Variants in TMEM132C observed in about 807,000 individuals in gnomAD.
TMEM132C encodes the protein transmembrane protein 132C, also known as protein phosphatase 1, regulatory subunit 152.
In TMEM132C, 29 loss-of-function variants were observed where a neutral mutation model predicts 61.4. The ratio of observed to expected loss-of-function variants is 0.47; its 90% confidence interval spans 0.35 to 0.64. The LOEUF (loss-of-function observed/expected upper bound fraction) is 0.64. Among genes scored for constraint, TMEM132C ranks in the 30% least tolerant of loss-of-function variants. The pLI is 0.00. For synonymous variants in TMEM132C, 656 were observed against 633.1 expected, an observed-to-expected ratio of 1.04 and a Z score of -0.54; for missense variants, 1,408 against 1,476.9, an observed-to-expected ratio of 0.95 and a Z score of 0.76.
intron 3 of TMEM132C, among the ~76,000 whole-genome samples, chr12:128,546,220 G>T (rs896133122): frequency 5.9e-5 from 9 of 152,176 alleles, no homozygotes; most frequent in Non-Finnish European, 8.8e-5. Flanking sequence ...AACATGGCCA[G>T]AAAGAAATGT....
intron 1 of TMEM132C, among the ~76,000 whole-genome samples, chr12:128,309,122 C>T (rs1871885598): frequency 6.6e-6 from 1 of 152,158 alleles, no homozygotes; most frequent in South Asian, 2.1e-4. Context: ...CGTGACGGGA[C>T]TGCTGACCTC....
chr12:128,651,267 A>G (rs1954267102), intron 4 of TMEM132C, among the ~76,000 whole-genome samples: 1 of 152,160 alleles, frequency 6.6e-6, no homozygotes, highest in South Asian at 2.1e-4. Flanking sequence ...CCTGGATTGC[A>G]GAGTCTCTTC....
chr12:128,613,979 G>A (rs1876717123), intron 3 of TMEM132C, among the ~76,000 whole-genome samples: 1 of 152,166 alleles, frequency 6.6e-6, no homozygotes, highest in Non-Finnish European at 1.5e-5. Flanking sequence ...TCCAGGAGAT[G>A]GCAGCCTGAG....
chr12:128,616,447 T>C, intron 4 of TMEM132C, 112 bp downstream of exon 4: 1 of 1,123,348 alleles, frequency 8.9e-7, no homozygotes, highest in Non-Finnish European at 1.2e-6. Flanking sequence ...AGTGTTTACT[T>C]TCAAAGTTTC....
chr12:128,333,168 T>G (rs1292132605), intron 1 of TMEM132C, among the ~76,000 whole-genome samples: 1 of 151,444 alleles, frequency 6.6e-6, no homozygotes, highest in Non-Finnish European at 1.5e-5. Flanking sequence ...GTTGTGTGTG[T>G]GTTGTGTGTG....
intron 2 of TMEM132C, among the ~76,000 whole-genome samples, chr12:128,541,783 T>C (rs971962824): frequency 6.6e-6 from 1 of 152,098 alleles, no homozygotes; most frequent in Non-Finnish European, 1.5e-5. Context: ...GGAGAGGCCA[T>C]AGTGTCAATG....
intron 2 of TMEM132C, among the ~76,000 whole-genome samples, chr12:128,444,170 T>C (rs1475905266): frequency 6.6e-6 from 1 of 152,204 alleles, no homozygotes; most frequent in Non-Finnish European, 1.5e-5. Context: ...TCCTCCCGCC[T>C]CAGCCTCCCA....
At chr12:128,561,164 T>C (rs1458675306) in intron 3 of TMEM132C, among the ~76,000 whole-genome samples, 1 of 152,254 alleles carries the variant, frequency 6.6e-6, no homozygotes, top group Non-Finnish European at 1.5e-5. Context: ...CAGTGAGGGA[T>C]TTATGAAGCA....
chr12:128,536,183 C>CA (rs1873518700), intron 2 of TMEM132C, among the ~76,000 whole-genome samples: 1 of 152,196 alleles, frequency 6.6e-6, no homozygotes, highest in African/African-American at 2.4e-5. Context: ...CAATATGACA[C>CA]ATATATACCA....
At chr12:128,365,743 G>T (rs537716592) in intron 1 of TMEM132C, among the ~76,000 whole-genome samples, 1 of 152,242 alleles carries the variant, frequency 6.6e-6, no homozygotes, top group Non-Finnish European at 1.5e-5. Context: ...CCCCACAGTT[G>T]TGCTCCGAAT....
At chr12:128,667,073 AT>A (rs1954485266) in intron 4 of TMEM132C, among the ~76,000 whole-genome samples, 1 of 152,236 alleles carries the variant, frequency 6.6e-6, no homozygotes, top group Non-Finnish European at 1.5e-5. Context: ...CCGTCTCAAA[AT>A]ATATATAGAT....
chr12:128,610,909 C>T (rs1023214584), intron 3 of TMEM132C, among the ~76,000 whole-genome samples: 7 of 152,156 alleles, frequency 4.6e-5, no homozygotes, highest in Non-Finnish European at 8.8e-5. Flanking sequence ...GTGGTTCGTT[C>T]TCAGGAAGCT....
intron 3 of TMEM132C, among the ~76,000 whole-genome samples, chr12:128,578,363 C>T (rs905096429): frequency 2.0e-5 from 3 of 152,220 alleles, no homozygotes; most frequent in Non-Finnish European, 2.9e-5. Flanking sequence ...TCCTCCTTCA[C>T]CAGCCCTCCC....
At position 128,622,355 on chromosome 12, in the gene TMEM132C, AAAAAAATATATAT is replaced by A. The variant is rs1456623394; in HGVS notation, c.1305+6022_1305+6034del. On this transcript the variant is annotated intron_variant, in intron 4 of 8. Coordinates refer to ENST00000435159, the MANE Select transcript of TMEM132C (RefSeq NM_001136103.3). Reference sequence around the variant, plus strand: ...TGAGACTTTGTCTCAAAAAAAAAAAAAAAAAATATATATATATATATATATATATATATATATA... The same window carrying A: ...TGAGACTTTGTCTCAAAAAAAAAAAAATATATATATATATATATATATATA... 1.3e-4 allele frequency among the ~76,000 whole-genome samples: 8 copies of A among 62,790 alleles called. No individual in the cohort carries two copies. In the South Asian group the frequency reaches 1.4e-3, roughly 11 times the overall value. 41.2% of individuals were successfully genotyped at this position (62,790 alleles called of 152,430 possible).
In TMEM132C at chr12:128,707,179, A is replaced by C. The variant is rs1200858468; in HGVS notation, c.*884A>C. 6.6e-6 allele frequency: 1 copy of C among 152,196 alleles called. No individual in the cohort carries two copies. Among genetic ancestry groups the C allele is most frequent in the Admixed American group, 6.5e-5 (1 of 15,286 alleles). 9.4% of individuals were successfully genotyped at this position (152,196 alleles called of 1,614,324 possible). On this transcript the variant is annotated 3_prime_UTR_variant, in exon 9 of 9. Transcript: ENST00000435159. Reference sequence around the variant, plus strand: ...ACCACTACCATAGGGCAAAGCCAGCAGGTGTGGCCCTGTGAGGGGCTGTAC... The same window carrying C: ...ACCACTACCATAGGGCAAAGCCAGCCGGTGTGGCCCTGTGAGGGGCTGTAC...
intron 1 of TMEM132C, among the ~76,000 whole-genome samples, chr12:128,277,026 A>T (rs1396833952): frequency 1.3e-5 from 2 of 152,184 alleles, no homozygotes; most frequent in African/African-American, 4.8e-5. Context: ...TAAACAAGGT[A>T]TTCCTGAAAA....
rs141826219 is a variant in TMEM132C, at chr12:128,484,027, A to G, written c.975-59930A>G. On this transcript the variant is annotated intron_variant, in intron 2 of 8. Transcript: ENST00000435159. Reference sequence around the variant, plus strand: ...TGTTCCTCCAGTCTCTTCCAACTGCAGTTCAGAATCCCCCTGCAGTAGCTT... The same window carrying G: ...TGTTCCTCCAGTCTCTTCCAACTGCGGTTCAGAATCCCCCTGCAGTAGCTT... 2.8e-4 allele frequency among the ~76,000 whole-genome samples: 43 copies of G among 152,280 alleles called. No homozygotes were observed. The East Asian group carries it at 7.3e-3, about 26-fold the overall frequency.
At chr12:128,637,910 G>C (rs1365998005) in intron 4 of TMEM132C, among the ~76,000 whole-genome samples, 2 of 152,154 alleles carry the variant, frequency 1.3e-5, no homozygotes, top group Non-Finnish European at 2.9e-5. Context: ...GGAACCCTGG[G>C]ACTTTCAGAA....
chr12:128,645,140 A>G (rs1377902155), intron 4 of TMEM132C, among the ~76,000 whole-genome samples: 2 of 152,102 alleles, frequency 1.3e-5, no homozygotes, highest in African/African-American at 4.8e-5. Flanking sequence ...CACTGGAGAA[A>G]GCCTGGGAAA....
Sources: gnomAD v4.1 joint callset for allele counts (sites outside exome capture counted in the v4.1 genomes callset) on GRCh38, gnomAD v4.1.1 for gene constraint, MANE v1.5 for transcripts, NCBI Gene and HGNC (gene_info 2026-07-23, HGNC 2026-07-21) for gene names.